Variants in TMEM74 observed in about 807,000 individuals in gnomAD.
The protein encoded by TMEM74 is transmembrane protein 74.
TMEM74 carries 13 observed loss-of-function variants against 18.1 expected under a neutral mutation model. The ratio of observed to expected loss-of-function variants is 0.72; its 90% CI spans 0.47 to 1.14. The LOEUF (loss-of-function observed/expected upper bound fraction) is 1.14. Among genes scored for constraint, TMEM74 ranks in the 50% most tolerant of loss-of-function variants. TMEM74 has a pLI of 0.00. For missense variants in TMEM74, 372 were observed against 375.9 expected (o/e 0.99, Z 0.09); for synonymous variants, 159 against 146.6 (o/e 1.08, Z -0.61).
rs1225363215 is a variant in TMEM74 at position 108,647,583 on chromosome 8, CATT to C, written n.264+7707_264+7709del. On this transcript the variant is annotated intron_variant and non_coding_transcript_variant, in intron 2 of 3. Coordinates refer to the TMEM74 transcript ENST00000518838. ...GTAAAGAAATCTATTTTTAAAAAAA[CATT>C]AGTAGCAATTGAGGGATAAACGAGT... Among the ~76,000 whole-genome samples, 8 of 151,892 alleles carry C rather than the reference CATT, an allele frequency of 5.3e-5. No homozygotes were observed. In the East Asian group the frequency reaches 1.2e-3, roughly 22 times the overall value.
intron 1 of TMEM74, among the ~76,000 whole-genome samples, chr8:108,655,931 A>G (rs1429671383): frequency 6.6e-6 from 1 of 152,170 alleles, no homozygotes; most frequent in East Asian, 1.9e-4. Context: ...GGATTTTGGA[A>G]AAGATATTTC....
Position 108,779,939 on chromosome 8 carries a change from T to C in TMEM74, c.*4242A>G, listed in dbSNP as rs949329690. Among the ~76,000 whole-genome samples the C allele has an allele frequency of 6.6e-6, 1 of 152,180 alleles. No individual in the cohort carries two copies. The highest frequency in any genetic ancestry group is 2.4e-5 in the African/African-American group (1 of 41,440). Reference sequence around the variant, plus strand: ...ACTTATAAAATTTGTGAGATGATAATATAGAATATTATGAACCAAAAACAG... The same window carrying C: ...ACTTATAAAATTTGTGAGATGATAACATAGAATATTATGAACCAAAAACAG... On this transcript the variant is annotated 3_prime_UTR_variant, in exon 2 of 2. Coordinates refer to ENST00000297459, the MANE Select transcript of TMEM74 (RefSeq NM_153015.3).
At chr8:108,758,304 G>T (rs1476349140) in intron 1 of TMEM74, among the ~76,000 whole-genome samples, 3 of 152,066 alleles carry the variant, frequency 2.0e-5, no homozygotes, top group Non-Finnish European at 4.4e-5. Context: ...ATATACCAAA[G>T]ATCCCTAAAA....
chr8:108,648,702 T>C (rs73702123), intron 2 of TMEM74, among the ~76,000 whole-genome samples: 2,159 of 152,026 alleles, frequency 0.014, 56 homozygotes, highest in African/African-American at 0.049. Context: ...AGTCATGAGA[T>C]AAAGAATGTA....
intron 2 of TMEM74, among the ~76,000 whole-genome samples, chr8:108,611,378 C>T (rs1375380810): frequency 6.6e-6 from 1 of 152,150 alleles, no homozygotes; most frequent in African/African-American, 2.4e-5. Flanking sequence ...AAGATACAAA[C>T]AAGTCATGTA....
At chr8:108,621,299 T>C (rs1275924856) in intron 2 of TMEM74, among the ~76,000 whole-genome samples, 1 of 152,150 alleles carries the variant, frequency 6.6e-6, no homozygotes. Flanking sequence ...GTGAATGGGT[T>C]GGGGAGGCTG....
At chr8:108,628,697 G>C (rs1231361078) in intron 2 of TMEM74, among the ~76,000 whole-genome samples, 1 of 152,034 alleles carries the variant, frequency 6.6e-6, no homozygotes, top group Non-Finnish European at 1.5e-5. Context: ...AGATCCTTGA[G>C]AAATTGCCAC....
intron 1 of TMEM74, among the ~76,000 whole-genome samples, chr8:108,738,368 A>G: frequency 6.6e-6 from 1 of 152,158 alleles, no homozygotes; most frequent in East Asian, 1.9e-4. Flanking sequence ...CTCCTGACAC[A>G]CTGTTGTGGC....
At chr8:108,618,643 G>T (rs1367074309) in intron 2 of TMEM74, among the ~76,000 whole-genome samples, 1 of 152,170 alleles carries the variant, frequency 6.6e-6, no homozygotes, top group Non-Finnish European at 1.5e-5. Flanking sequence ...GCAGTCTGTA[G>T]GGACTGACGC....
chr8:108,655,196 C>T (rs1024987457), intron 2 of TMEM74: 6 of 152,134 alleles, frequency 3.9e-5, no homozygotes, highest in African/African-American at 1.4e-4. Flanking sequence ...AAATGGCTTT[C>T]AGTCCACCAT....
intron 1 of TMEM74, among the ~76,000 whole-genome samples, chr8:108,714,142 C>A (rs1247738917): frequency 6.6e-6 from 1 of 152,180 alleles, no homozygotes; most frequent in Non-Finnish European, 1.5e-5. Flanking sequence ...AACACCCTCA[C>A]AGACACCCCA....
At chr8:108,759,328 C>T (rs990859791) in intron 1 of TMEM74, among the ~76,000 whole-genome samples, 1 of 152,036 alleles carries the variant, frequency 6.6e-6, no homozygotes, top group African/African-American at 2.4e-5. Flanking sequence ...CTTTGGAAGG[C>T]AATTTGACAG....
At chr8:108,652,054 A>T (rs2935753) in intron 2 of TMEM74, among the ~76,000 whole-genome samples, 28,933 of 152,118 alleles carry the variant, frequency 0.19, 2,925 homozygotes, top group East Asian at 0.28. Flanking sequence ...GACTTCTATG[A>T]ACAGTTGTTT....
intron 1 of TMEM74, among the ~76,000 whole-genome samples, chr8:108,679,826 C>A (rs1231722445): frequency 6.6e-6 from 1 of 152,070 alleles, no homozygotes; most frequent in African/African-American, 2.4e-5. Context: ...CTTGCCCATG[C>A]CTATGTCCTG....
At chr8:108,709,258 C>G (rs1019846147) in intron 1 of TMEM74, among the ~76,000 whole-genome samples, 3 of 152,008 alleles carry the variant, frequency 2.0e-5, no homozygotes, top group Admixed American at 2.0e-4. Context: ...TTCACAGTAA[C>G]CAAGATATGG....
chr8:108,762,582 A>G (rs1053183671), intron 1 of TMEM74, among the ~76,000 whole-genome samples: 10 of 152,154 alleles, frequency 6.6e-5, no homozygotes, highest in African/African-American at 2.4e-4. Flanking sequence ...TCACCAGTCA[A>G]GCTTCAGGTC....
At chr8:108,691,321 AG>A (rs1586262721) in intron 1 of TMEM74, among the ~76,000 whole-genome samples, 2 of 152,184 alleles carry the variant, frequency 1.3e-5, no homozygotes, top group Non-Finnish European at 2.9e-5. Context: ...CTAAACCGGG[AG>A]CTTGTGAAAG....
At chr8:108,773,673 C>T (rs749744451) in intron 1 of TMEM74, among the ~76,000 whole-genome samples, 2 of 152,132 alleles carry the variant, frequency 1.3e-5, no homozygotes, top group Non-Finnish European at 2.9e-5. Flanking sequence ...GGGGACCCAG[C>T]AGCCTTGTTT....
intron 1 of TMEM74, among the ~76,000 whole-genome samples, chr8:108,699,183 T>TCCTTCCTTCCTTCCTTCCTC (rs1316107934): frequency 2.8e-5 from 2 of 70,472 alleles, no homozygotes; most frequent in Non-Finnish European, 2.5e-5. Flanking sequence ...CTTCCTTCCT[T>TCCTTCCTTCCTTCCTTCCTC]CCTCCCTCCC....
Sources: gnomAD v4.1 joint callset for allele counts (sites outside exome capture counted in the v4.1 genomes callset) on GRCh38, gnomAD v4.1.1 for gene constraint, MANE v1.5 for transcripts, NCBI Gene and HGNC (gene_info 2026-07-23, HGNC 2026-07-21) for gene names.